UNC79: variants seen among roughly 807,000 people sequenced by gnomAD.
UNC79 encodes the protein unc-79 subunit of NALCN channel complex.
UNC79 carries 37 observed loss-of-function variants against 283.1 expected under a neutral mutation model. The observed-to-expected ratio is 0.13, with a 90% CI of 0.10 to 0.17. The LOEUF (loss-of-function observed/expected upper bound fraction) is 0.17. UNC79 is among the 10% of genes least tolerant of loss of function. UNC79 has a pLI of 1.00. For missense variants in UNC79, 2,272 were observed against 3,211.1 expected, an observed-to-expected ratio of 0.71 and a Z score of 7.07; for synonymous variants, 1,107 against 1,200.2, an observed-to-expected ratio of 0.92 and a Z score of 1.61.
chr14:93,660,483 A>T (rs1229089243), intron 39 of UNC79, among the ~76,000 whole-genome samples: 1 of 139,418 alleles, frequency 7.2e-6, no homozygotes, highest in African/African-American at 2.7e-5. Context: ...AGACATTCCT[A>T]TTCCTTTCAT....
chr14:93,624,471 A>C (rs895940470), intron 30 of UNC79, among the ~76,000 whole-genome samples: 1 of 152,166 alleles, frequency 6.6e-6, no homozygotes, highest in African/African-American at 2.4e-5. Flanking sequence ...GGGCTGGTGC[A>C]TACGAAGCTG....
In UNC79 at chr14:93,419,729, C is replaced by T. The variant is rs2140067568; in HGVS notation, c.-350-47942C>T. Reference sequence around the variant, plus strand: ...CTCATGGTAACCCTTAAATAAAAAACATACAAAGGATACACAAAAAATTAA... The same window carrying T: ...CTCATGGTAACCCTTAAATAAAAAATATACAAAGGATACACAAAAAATTAA... On this transcript the variant is annotated intron_variant, in intron 1 of 49. Transcript: ENST00000256339. Among the ~76,000 whole-genome samples, 2 of 151,492 alleles carry T rather than the reference C, an allele frequency of 1.3e-5. 1 individual carries two copies.
At chr14:93,415,893 T>G (rs893886663) in intron 1 of UNC79, among the ~76,000 whole-genome samples, 70 of 152,336 alleles carry the variant, frequency 4.6e-4, no homozygotes, top group African/African-American at 1.6e-3. Flanking sequence ...TTATTGCATC[T>G]ATTTGATTCT....
chr14:93,546,017 A>G (rs1397235001), intron 14 of UNC79, among the ~76,000 whole-genome samples: 3 of 152,300 alleles, frequency 2.0e-5, no homozygotes, highest in African/African-American at 4.8e-5. Flanking sequence ...GTGCGGACAC[A>G]GGAGGACATG....
intron 9 of UNC79, 85 bp from the exon 10 acceptor site, chr14:93,529,201 A>C: frequency 7.2e-7 from 1 of 1,393,764 alleles, no homozygotes; most frequent in Admixed American, 2.0e-5. Flanking sequence ...AAAGCCTTTC[A>C]GCACTAGTGT....
At chr14:93,481,631 A>G (rs1204638438) in intron 4 of UNC79, among the ~76,000 whole-genome samples, 1 of 152,162 alleles carries the variant, frequency 6.6e-6, no homozygotes, top group African/African-American at 2.4e-5. Flanking sequence ...AGGTTCATTT[A>G]AATCTTAAGG....
intron 37 of UNC79, 34 bp from the exon 41 acceptor site, chr14:93,655,200 C>A (rs755636412): frequency 2.5e-6 from 4 of 1,606,858 alleles, no homozygotes; most frequent in Non-Finnish European, 2.6e-6. Context: ...CGTGCTGTTT[C>A]AGCAGTTGAT....
At chr14:93,402,874 C>T (rs1406660968) in intron 1 of UNC79, among the ~76,000 whole-genome samples, 1 of 152,180 alleles carries the variant, frequency 6.6e-6, no homozygotes, top group East Asian at 1.9e-4. Context: ...AGGTTAAGGA[C>T]ATACCCATGA....
chr14:93,683,815 C>G (rs1178479219), intron 42 of UNC79, among the ~76,000 whole-genome samples: 1 of 150,516 alleles, frequency 6.6e-6, no homozygotes, highest in Non-Finnish European at 1.5e-5. Context: ...AAATTAAAAT[C>G]GGCTAGCCAA....
chr14:93,435,907 G>A (rs1396946580), intron 1 of UNC79, among the ~76,000 whole-genome samples: 1 of 152,066 alleles, frequency 6.6e-6, no homozygotes, highest in Non-Finnish European at 1.5e-5. Context: ...CCTACTTACT[G>A]CTCAATACTT....
intron 4 of UNC79, among the ~76,000 whole-genome samples, chr14:93,486,369 T>C (rs896129199): frequency 6.6e-6 from 1 of 152,026 alleles, no homozygotes; most frequent in Non-Finnish European, 1.5e-5. Flanking sequence ...AAGAAAGTCC[T>C]CTTGGGGCCA....
intron 18 of UNC79, among the ~76,000 whole-genome samples, 195 bp downstream of exon 18, chr14:93,578,258 G>A (rs1449482565): frequency 6.6e-6 from 1 of 152,124 alleles, no homozygotes; most frequent in African/African-American, 2.4e-5. Flanking sequence ...CAGTGATGTT[G>A]ACATATGAGA....
At chr14:93,529,157 TG>T in intron 9 of UNC79, 128 bp from the exon 10 acceptor site, 1 of 824,880 alleles carries the variant, frequency 1.2e-6, no homozygotes, top group Non-Finnish European at 1.9e-6. Context: ...GAGTTTATTA[TG>T]ATAGTGCTCT....
chr14:93,408,957 C>T (rs2055282404), intron 1 of UNC79, among the ~76,000 whole-genome samples: 1 of 152,144 alleles, frequency 6.6e-6, no homozygotes, highest in South Asian at 2.1e-4. Flanking sequence ...ATAAAAATGT[C>T]CTACAATAAG....
chr14:93,372,696 A>G (rs1398590975), intron 1 of UNC79, among the ~76,000 whole-genome samples: 1 of 152,242 alleles, frequency 6.6e-6, no homozygotes, highest in Non-Finnish European at 1.5e-5. Context: ...TTCAAGGTCA[A>G]ATGGATGAAT....
chr14:93,357,866 G>GATATATGGATAT (rs2054138023), intron 1 of UNC79, among the ~76,000 whole-genome samples: 1 of 29,778 alleles, frequency 3.4e-5, no homozygotes, highest in Non-Finnish European at 8.5e-5. Context: ...TATATATATG[G>GATATATGGATAT]ATATATGGAT....
rs72478853 is a variant in UNC79 at position 93,628,092 on chromosome 14, G to A, written c.5609-2709G>A. Among the ~76,000 whole-genome samples the A allele has an allele frequency of 2.0e-3, 305 of 152,212 alleles. 2 individuals carry two copies. The highest frequency in any genetic ancestry group is 0.01 in the East Asian group (52 of 5,182). On this transcript the variant is annotated intron_variant, in intron 30 of 48. Transcript: ENST00000555664. ...TTCATGTCCTCTCAACACAACAGCC[G>A]GAGTGATCTTTTAAAATAGGAGATT...
chr14:93,498,621 C>A (rs2059140888), intron 7 of UNC79, among the ~76,000 whole-genome samples: 1 of 151,906 alleles, frequency 6.6e-6, no homozygotes, highest in Admixed American at 6.6e-5. Context: ...ACCCCGATAG[C>A]CTGGTTGCTC....
intron 7 of UNC79, among the ~76,000 whole-genome samples, chr14:93,507,047 A>G (rs1567021564): frequency 6.6e-6 from 1 of 152,204 alleles, no homozygotes; most frequent in Non-Finnish European, 1.5e-5. Context: ...CAGTCAACAT[A>G]TTACTGAGAT....
Sources: allele counts gnomAD v4.1 joint callset (sites outside exome capture counted in the v4.1 genomes callset), GRCh38; gene constraint gnomAD v4.1.1; transcripts MANE v1.5; gene names NCBI Gene and HGNC (gene_info 2026-07-23, HGNC 2026-07-21).